Variants in ARHGEF2 observed in about 807,000 individuals in gnomAD.
ARHGEF2 encodes the protein Rho/Rac guanine nucleotide exchange factor 2.
In ARHGEF2, 22 loss-of-function variants were observed where a neutral mutation model predicts 121.0. The observed-to-expected ratio is 0.18, with a 90% CI of 0.13 to 0.26. ARHGEF2 has a LOEUF of 0.26. Ranked by LOEUF, ARHGEF2 falls within the 10% of genes least tolerant of loss-of-function variation. ARHGEF2 has a pLI of 1.00. For missense variants in ARHGEF2, 907 were observed against 1,336.0 expected (o/e 0.68, Z 5.01); for synonymous variants, 487 against 530.0 (o/e 0.92, Z 1.11).
chr1:155,978,474 C>G lies in ARHGEF2; in HGVS notation c.-47G>C, dbSNP rs754118746. ...AGGACGCGGCGCGGACCCCGGCGTC[C>G]TGTATTGTTGGGGGAAGGCGGGGGG... is the stretch of plus-strand genomic sequence containing the variant. On this transcript the variant is annotated 5_prime_UTR_variant, in exon 1 of 22. Coordinates refer to ENST00000361247, the MANE Select transcript of ARHGEF2 (RefSeq NM_001162383.2). The surrounding 1 kb of genome is among the most constrained non-coding windows in gnomAD (Gnocchi z 4.1). 1.4e-6 allele frequency: 2 copies of G among 1,420,692 alleles called. No homozygotes were observed. Among genetic ancestry groups the G allele is most frequent in the East Asian group, 5.6e-5 (2 of 35,860 alleles). The allele number at this position is 1,420,692 out of a possible 1,614,324, so 88.0% of individuals were successfully genotyped here.
At chr1:155,978,812 C>T, upstream of ARHGEF2, 4 of 957,026 alleles carry the variant, frequency 4.2e-6, no homozygotes, top group Non-Finnish European at 5.0e-6. The surrounding 1 kb of genome is among the most constrained non-coding windows in gnomAD (Gnocchi z 4.1). Flanking sequence ...TAAAACCCAG[C>T]CCCGCAGCCC....
At chr1:155,959,846 G>T (rs1359028130) in intron 11 of ARHGEF2, among the ~76,000 whole-genome samples, 2 of 152,206 alleles carry the variant, frequency 1.3e-5, no homozygotes, top group Non-Finnish European at 2.9e-5. Context: ...ACCGTGCCCA[G>T]CCTGGACCAC....
chr1:155,950,286 G>A lies in ARHGEF2; in HGVS notation c.2887+13C>T, dbSNP rs752052003. On this transcript the variant is annotated intron_variant, in intron 21 of 21. Coordinates refer to ENST00000361247, the MANE Select transcript of ARHGEF2 (RefSeq NM_001162383.2). This position sits in a 1 kb window ranked among gnomAD's most constrained non-coding sequence, Gnocchi z 5.2. ...CACTCTACCTCTGGTCCATGTCTCC[G>A]CCAGGGTCTCACCTCGTGGACTGTG... is the stretch of plus-strand genomic sequence containing the variant. 9.4e-5 allele frequency: 151 copies of A among 1,610,402 alleles called. 1 individual carries two copies. The East Asian group carries it at 1.9e-3, about 20-fold the overall frequency.
intron 1 of ARHGEF2, chr1:155,972,176 C>A: frequency 2.3e-6 from 1 of 438,944 alleles, no homozygotes; most frequent in Non-Finnish European, 4.8e-6. Context: ...CTCTAGTGGC[C>A]CTTCCTCTCT....
upstream of ARHGEF2, chr1:155,978,600 C>T: frequency 7.9e-7 from 1 of 1,265,636 alleles, no homozygotes; most frequent in East Asian, 3.1e-5. The surrounding 1 kb of genome is among the most constrained non-coding windows in gnomAD (Gnocchi z 4.1). Flanking sequence ...CCTCCCCCGC[C>T]CAAGCTCAGG....
Position 155,962,644 on chromosome 1 carries a change from C to A in ARHGEF2, c.1050G>T (p.Lys350Asn). Residue 350 changes from lysine to asparagine, a missense_variant, in exon 9 of 22, where the codon AAG (lysine) becomes AAT (asparagine). Coordinates refer to ENST00000361247, the MANE Select transcript of ARHGEF2 (RefSeq NM_001162383.2). The surrounding 1 kb of genome is among the most constrained non-coding windows in gnomAD (Gnocchi z 5.8). The stretch of plus-strand genomic sequence containing the variant: ...CTCGGGCGTACAGCTCCTTATAGAG[C>A]TTTAAGGCCTTGCTGTGGCGGCTGC... ...EFCSRHSKAL[K>N]LYKELYARDK... 1 of 1,614,164 alleles carries A rather than the reference C, an allele frequency of 6.2e-7. No individual in the cohort carries two copies. Among genetic ancestry groups the A allele is most frequent in the Non-Finnish European group, 8.5e-7 (1 of 1,180,036 alleles).
In ARHGEF2 at chr1:155,947,283, C is replaced by T. The variant is rs959244316; in HGVS notation, c.*659G>A. On this transcript the variant is annotated 3_prime_UTR_variant, in exon 22 of 22. Transcript: ENST00000361247. ...AAAAGAACAACAAAACATTCTGGTC[C>T]CTGTGGGTTTTTTCCCTCACCCCCA... 1 of 444,492 alleles carries T rather than the reference C, an allele frequency of 2.2e-6. No individual in the cohort carries two copies. Among genetic ancestry groups the T allele is most frequent in the African/African-American group, 2.0e-5 (1 of 49,406 alleles). The allele number at this position is 444,492 out of a possible 1,614,324, so 27.5% of individuals were successfully genotyped here.
At chr1:155,957,171 C>A (rs1676865953) in intron 13 of ARHGEF2, among the ~76,000 whole-genome samples, 1 of 152,126 alleles carries the variant, frequency 6.6e-6, no homozygotes, top group South Asian at 2.1e-4. Context: ...TTTCCCATCA[C>A]AATTAGACAC....
In ARHGEF2 at chr1:155,962,406, C is replaced by T. The variant is rs974184445; in HGVS notation, c.1102-184G>A. On this transcript the variant is annotated intron_variant, in intron 9 of 21. Transcript: ENST00000361247. The surrounding 1 kb of genome is among the most constrained non-coding windows in gnomAD (Gnocchi z 5.8). ...GGACCAACTGAAGGAGCAAAAAGTACTTGGGAAACTACCACAACGTGCTCT... is the reference window on the plus strand; with the variant it reads ...GGACCAACTGAAGGAGCAAAAAGTATTTGGGAAACTACCACAACGTGCTCT... The T allele has an allele frequency of 9.5e-7, 1 of 1,054,018 alleles. No homozygotes were observed. Among genetic ancestry groups the T allele is most frequent in the Non-Finnish European group, 1.4e-6 (1 of 725,598 alleles). 65.3% of individuals were successfully genotyped at this position (1,054,018 alleles called of 1,614,324 possible). A position where few individuals can be genotyped will look rare whatever the true frequency, so the allele number is the denominator to read the frequency against.
chr1:155,956,043 C>T (rs1474014196), intron 13 of ARHGEF2, among the ~76,000 whole-genome samples: 5 of 152,022 alleles, frequency 3.3e-5, no homozygotes, highest in Non-Finnish European at 5.9e-5. Context: ...ATAAAGAAGC[C>T]ACTACAGATC....
In ARHGEF2 at chr1:155,947,730, T is replaced by C; in HGVS notation, c.*212A>G. On this transcript the variant is annotated 3_prime_UTR_variant, in exon 22 of 22. Coordinates refer to ENST00000361247, the MANE Select transcript of ARHGEF2 (RefSeq NM_001162383.2). ...GAAGAAGGCATGAACCACTGGCATCTGTGGTGTAGCTTTCGGATGTCCCAG... is the reference window on the plus strand; with the variant it reads ...GAAGAAGGCATGAACCACTGGCATCCGTGGTGTAGCTTTCGGATGTCCCAG... The C allele has an allele frequency of 1.9e-6, 1 of 539,880 alleles. No individual in the cohort carries two copies. Among genetic ancestry groups the C allele is most frequent in the East Asian group, 3.0e-5 (1 of 33,210 alleles). The allele number at this position is 539,880 out of a possible 1,614,324, so 33.4% of individuals were successfully genotyped here.
intron 11 of ARHGEF2, among the ~76,000 whole-genome samples, chr1:155,960,506 C>T (rs1269273032): frequency 6.6e-6 from 1 of 151,704 alleles, no homozygotes; most frequent in Non-Finnish European, 1.5e-5. Context: ...ATACACTCCT[C>T]CTTTGCCCTT....
chr1:155,950,443 T>C lies in ARHGEF2; in HGVS notation c.2743A>G (p.Thr915Ala), dbSNP rs146435720. The change falls in exon 21 of 22, where the codon ACT becomes GCT. Residue 915 changes from threonine (T) to alanine (A), a missense_variant. Transcript: ENST00000361247. The surrounding 1 kb of genome is among the most constrained non-coding windows in gnomAD (Gnocchi z 5.2). ...GTDRLDLPVT[T>A]RSVHRNFEDR... is the part of the protein sequence containing the mutation. Reference sequence around the variant, plus strand: ...TCAAAGTTTCGATGGACAGAGCGAGTAGTGACAGGTAGATCCAGGCGGTCA... The same window carrying C: ...TCAAAGTTTCGATGGACAGAGCGAGCAGTGACAGGTAGATCCAGGCGGTCA... 3 of 1,613,644 alleles carry C rather than the reference T, an allele frequency of 1.9e-6. No homozygotes were observed. Among genetic ancestry groups the C allele is most frequent in the Non-Finnish European group, 2.5e-6 (3 of 1,179,978 alleles).
chr1:155,949,655 G>A (rs924421177), intron 21 of ARHGEF2, among the ~76,000 whole-genome samples: 1 of 151,676 alleles, frequency 6.6e-6, no homozygotes, highest in African/African-American at 2.4e-5. Context: ...AAGACAGGTG[G>A]ATCGCGAGGT....
intron 1 of ARHGEF2, chr1:155,969,817 G>A (rs1329313620): frequency 1.0e-6 from 1 of 986,792 alleles, no homozygotes; most frequent in East Asian, 1.1e-4. Flanking sequence ...GGGGGGGCAG[G>A]AGATCCCCTT....
Position 155,963,143 on chromosome 1 carries a change from C to A in ARHGEF2, c.765G>T (p.Lys255Asn). Residue 255 changes from lysine to asparagine, a missense_variant, in exon 8 of 22, where the codon AAG becomes AAT. Physicochemically the swap from Lys to Asn is moderately conservative, Grantham distance 94 (BLOSUM62 0). Transcript: ENST00000361247. ...CCGTGCGGAAGAGGCGGGTCATGATCTTCAGTGTCCTCACATGGTGCAGCT... is the reference window on the plus strand; with the variant it reads ...CCGTGCGGAAGAGGCGGGTCATGATATTCAGTGTCCTCACATGGTGCAGCT... ...QTELHHVRTL[K>N]IMTRLFRTGM... 1 of 1,613,114 alleles carries A rather than the reference C, an allele frequency of 6.2e-7. No individual in the cohort carries two copies. Among genetic ancestry groups the A allele is most frequent in the Non-Finnish European group, 8.5e-7 (1 of 1,179,944 alleles).
chr1:155,961,909 C>T lies in ARHGEF2; in HGVS notation c.1220G>A (p.Gly407Glu). 6.2e-7 allele frequency: 1 copy of T among 1,613,746 alleles called. No homozygotes were observed. The highest frequency in any genetic ancestry group is 1.3e-5 in the African/African-American group (1 of 75,046). Residue 407 changes from glycine to glutamate, a missense_variant and splice_region_variant, in exon 11 of 22, where the codon GGG (glycine) becomes GAG (glutamate). Coordinates refer to ENST00000361247, the MANE Select transcript of ARHGEF2 (RefSeq NM_001162383.2). This position sits in a 1 kb window ranked among gnomAD's most constrained non-coding sequence, Gnocchi z 4.7. The stretch of plus-strand genomic sequence containing the variant: ...CAGGTCCTGGCGCTCCTCCTCGATC[C>T]CTGGCACCGGGGGTTGGCATGGGGA... ...LISRILQHSH[G>E]IEEERQDLTT...
At chr1:155,958,679 G>A (rs192914871) in intron 11 of ARHGEF2, among the ~76,000 whole-genome samples, 1 of 150,628 alleles carries the variant, frequency 6.6e-6, no homozygotes, top group Non-Finnish European at 1.5e-5. Flanking sequence ...GGGTTCAAGC[G>A]ATTCTCCTAC....
In ARHGEF2 at chr1:155,958,320, C is replaced by G; in HGVS notation, c.1545G>C (p.Leu515=). 6.2e-7 allele frequency: 1 copy of G among 1,612,070 alleles called. No homozygotes were observed. Among genetic ancestry groups the G allele is most frequent in the Admixed American group, 1.7e-5 (1 of 59,992 alleles). The change falls in exon 12 of 22, where the codon CTG becomes CTC. Residue 515 remains leucine (L), a splice_region_variant and synonymous_variant. Coordinates refer to ENST00000361247, the MANE Select transcript of ARHGEF2 (RefSeq NM_001162383.2). ...EKDQKYIFPT[L]DKPSVVSLQN... is the part of the protein sequence containing the mutation. ...GAAAGGTGAAGAATGAATGTCTCAC[C>G]AGGGTAGGAAAGATGTACTTCTGGT...
Sources: gnomAD v4.1 joint callset for allele counts (sites outside exome capture counted in the v4.1 genomes callset) on GRCh38, gnomAD v4.1.1 for gene constraint, Gnocchi (gnomAD v3.1) non-coding constraint, MANE v1.5 for transcripts, NCBI Gene and HGNC (gene_info 2026-07-23, HGNC 2026-07-21) for gene names.